Variants in CFAP300 observed in about 807,000 individuals in gnomAD.
CFAP300 encodes the protein cilia- and flagella-associated protein 300.
Under a neutral mutation model 33.0 loss-of-function variants are expected in CFAP300, and 32 were observed. That is an observed-to-expected ratio of 0.97 (90% CI 0.73 to 1.30). The LOEUF is 1.30. Ranked by LOEUF, CFAP300 falls within the 50% of genes most tolerant of loss-of-function variation. CFAP300 has a pLI of 0.00. For missense variants in CFAP300, 356 were observed against 318.1 expected (o/e 1.12, Z -0.90); for synonymous variants, 102 against 106.8 (o/e 0.95, Z 0.28).
intron 4 of CFAP300, among the ~76,000 whole-genome samples, chr11:102,075,258 C>T (rs188766555): frequency 1.6e-3 from 245 of 152,244 alleles, no homozygotes; most frequent in African/African-American, 5.4e-3. Context: ...TCCCCTACAT[C>T]GGATCTAGTT....
At chr11:102,054,060 G>C (rs1942012359) in intron 2 of CFAP300, among the ~76,000 whole-genome samples, 1 of 152,124 alleles carries the variant, frequency 6.6e-6, no homozygotes, top group African/African-American at 2.4e-5. Context: ...TTACACTGTT[G>C]GCAACTTGAA....
At chr11:102,059,470 G>A (rs1025505434) in intron 3 of CFAP300, among the ~76,000 whole-genome samples, 18 of 151,952 alleles carry the variant, frequency 1.2e-4, no homozygotes, top group Non-Finnish European at 2.2e-4. Context: ...CCAGCATGGT[G>A]AAACCCCATC....
At chr11:102,055,186 G>A (rs974672462) in intron 2 of CFAP300, among the ~76,000 whole-genome samples, 1 of 151,680 alleles carries the variant, frequency 6.6e-6, no homozygotes, top group Non-Finnish European at 1.5e-5. Flanking sequence ...TCAACATGTT[G>A]GTCAGGTTAG....
intron 3 of CFAP300, among the ~76,000 whole-genome samples, chr11:102,063,139 C>CT (rs1271020768): frequency 6.6e-6 from 1 of 152,218 alleles, no homozygotes; most frequent in African/African-American, 2.4e-5. Flanking sequence ...CCTGTGGAAC[C>CT]TTGGAGATTG....
intron 2 of CFAP300, among the ~76,000 whole-genome samples, chr11:102,055,654 A>G (rs1455754270): frequency 1.5e-5 from 2 of 131,604 alleles, no homozygotes; most frequent in Non-Finnish European, 3.2e-5. Context: ...GGCCATATAC[A>G]TTACTCCTAA....
At chr11:102,074,771 T>C (rs755623334) in intron 4 of CFAP300, among the ~76,000 whole-genome samples, 7 of 151,650 alleles carry the variant, frequency 4.6e-5, no homozygotes, top group South Asian at 2.1e-4. Flanking sequence ...GCAGTCACAG[T>C]TCGCTGCAGC....
chr11:102,064,887 A>T (rs1591320403), intron 3 of CFAP300, among the ~76,000 whole-genome samples: 1 of 152,198 alleles, frequency 6.6e-6, no homozygotes, highest in Non-Finnish European at 1.5e-5. Flanking sequence ...CAGAAAATCC[A>T]TTCCTGAATG....
chr11:102,067,622 A>G (rs1942248959), intron 4 of CFAP300, among the ~76,000 whole-genome samples: 1 of 152,228 alleles, frequency 6.6e-6, no homozygotes, highest in African/African-American at 2.4e-5. Flanking sequence ...TGCCCATTCT[A>G]CCTTCTTCCT....
intron 2 of CFAP300, among the ~76,000 whole-genome samples, chr11:102,055,560 G>C (rs1056259290): frequency 4.6e-5 from 7 of 150,810 alleles, no homozygotes; most frequent in South Asian, 2.1e-4. Context: ...GGTTTCACCA[G>C]GTTGCTCAGG....
chr11:102,055,345 T>C (rs1200480482), intron 2 of CFAP300, among the ~76,000 whole-genome samples: 3 of 150,112 alleles, frequency 2.0e-5, no homozygotes, highest in Non-Finnish European at 4.4e-5. Flanking sequence ...TATTTTGTTT[T>C]ACCACATGCG....
At chr11:102,068,089 A>G (rs1942255264) in intron 4 of CFAP300, among the ~76,000 whole-genome samples, 1 of 152,264 alleles carries the variant, frequency 6.6e-6, no homozygotes, top group African/African-American at 2.4e-5. Flanking sequence ...TAAAGTAGGC[A>G]TAATGTGAGA....
At chr11:102,079,884 T>C (rs561406963) in intron 5 of CFAP300, among the ~76,000 whole-genome samples, 1 of 152,334 alleles carries the variant, frequency 6.6e-6, no homozygotes, top group East Asian at 1.9e-4. Flanking sequence ...TTAGCTTATC[T>C]TAATTATAGC....
At chr11:102,059,744 C>A (rs1942116547) in intron 3 of CFAP300, among the ~76,000 whole-genome samples, 1 of 151,062 alleles carries the variant, frequency 6.6e-6, no homozygotes. Flanking sequence ...GATATTTGGG[C>A]AAAATCTAAA....
chr11:102,073,545 G>A (rs956905358), intron 4 of CFAP300, among the ~76,000 whole-genome samples: 6 of 152,148 alleles, frequency 3.9e-5, no homozygotes, highest in African/African-American at 1.4e-4. Context: ...TGATCCTCAA[G>A]CCCCCTAGCA....
chr11:102,077,085 TACAC>T (rs149311507), intron 5 of CFAP300, among the ~76,000 whole-genome samples: 1 of 150,426 alleles, frequency 6.6e-6, no homozygotes, highest in Non-Finnish European at 1.5e-5. Flanking sequence ...ACCCTACACA[TACAC>T]ACACACACAC....
chr11:102,055,576 C>T (rs1481833635), intron 2 of CFAP300, among the ~76,000 whole-genome samples: 2 of 151,208 alleles, frequency 1.3e-5, no homozygotes, highest in African/African-American at 4.9e-5. Context: ...TCAGGCTGGT[C>T]TCGAACTCCT....
chr11:102,077,635 C>T (rs772201993), intron 5 of CFAP300, among the ~76,000 whole-genome samples: 9 of 152,274 alleles, frequency 5.9e-5, no homozygotes, highest in Non-Finnish European at 8.8e-5. Flanking sequence ...AGTGCAGTGG[C>T]GCGATCTCAG....
chr11:102,054,988 T>C (rs1325406920), intron 2 of CFAP300, among the ~76,000 whole-genome samples: 1 of 151,596 alleles, frequency 6.6e-6, no homozygotes, highest in African/African-American at 2.4e-5. Context: ...ATATTCTTTT[T>C]TTTTTTTTTG....
chr11:102,067,145 G>A (rs1320810229), intron 4 of CFAP300, among the ~76,000 whole-genome samples: 1 of 152,100 alleles, frequency 6.6e-6, no homozygotes, highest in Admixed American at 6.6e-5. Context: ...TTCAAGACCA[G>A]CCTGGGCAAC....
Sources: allele counts gnomAD v4.1 joint callset (sites outside exome capture counted in the v4.1 genomes callset), GRCh38; gene constraint gnomAD v4.1.1; transcripts MANE v1.5; gene names NCBI Gene and HGNC (gene_info 2026-07-23, HGNC 2026-07-21).